The following PIK3R3 variants were observed in gnomAD, a reference collection of about 807,000 sequenced individuals.
PIK3R3 encodes phosphoinositide-3-kinase regulatory subunit 3.
PIK3R3 carries 64 observed loss-of-function variants against 62.9 expected under a neutral mutation model. That is an observed-to-expected ratio of 1.02 (90% CI 0.83 to 1.25). PIK3R3 has a LOEUF of 1.25. Among genes scored for constraint, PIK3R3 ranks in the 50% most tolerant of loss-of-function variants. PIK3R3 has a pLI of 0.00. For missense variants in PIK3R3, 614 were observed against 561.6 expected (o/e 1.09, Z -0.94); for synonymous variants, 165 against 189.0 (o/e 0.87, Z 1.04).
chr1:46,154,227 C>A, the PIK3R3 span, among the ~76,000 whole-genome samples: 168 of 152,162 alleles, frequency 1.1e-3, no homozygotes, highest in African/African-American at 3.5e-3. Flanking sequence ...GAGGCCTATG[C>A]AAAACTCATG....
At chr1:46,045,519 TCCTTCTGAAGTAAAAA>T (rs1481647217) in intron 9 of PIK3R3, among the ~76,000 whole-genome samples, 4 of 151,846 alleles carry the variant, frequency 2.6e-5, no homozygotes, top group African/African-American at 9.7e-5. Flanking sequence ...GATAGAGTTT[TCCTTCTGAAGTAAAAA>T]CAGTTCTATT....
At chr1:46,115,885 G>C (rs974256667) in intron 1 of PIK3R3, among the ~76,000 whole-genome samples, 1 of 152,186 alleles carries the variant, frequency 6.6e-6, no homozygotes, top group African/African-American at 2.4e-5. Flanking sequence ...ACGGGCAAAG[G>C]AGAGAGTTTA....
At chr1:46,146,223 G>A in the PIK3R3 span, among the ~76,000 whole-genome samples, 1 of 152,174 alleles carries the variant, frequency 6.6e-6, no homozygotes, top group African/African-American at 2.4e-5. Context: ...AAAGATCCCA[G>A]AGTAGTACCT....
intron 7 of PIK3R3, among the ~76,000 whole-genome samples, chr1:46,055,337 G>A (rs955268791): frequency 6.6e-6 from 1 of 152,034 alleles, no homozygotes; most frequent in Non-Finnish European, 1.5e-5. Flanking sequence ...CTCGAACTCC[G>A]GACCTCAGAT....
rs1433497267 is a variant in PIK3R3, at chr1:46,074,305, AAAAAAAAAAAAAC to A, written c.314+3197_314+3209del. Among the ~76,000 whole-genome samples the A allele has an allele frequency of 4.6e-4, 67 of 146,104 alleles. 1 individual carries two copies. The East Asian group carries it at 8.1e-3, about 18-fold the overall frequency. ...CTCCGTCAAAAAAAAAAAAAAAAAA[AAAAAAAAAAAAAC>A]CAATAAATTCAGCCTGACTCAACTT... On this transcript the variant is annotated intron_variant, in intron 3 of 9. Transcript: ENST00000262741.
At chr1:46,075,310 T>C (rs1490485516) in intron 3 of PIK3R3, among the ~76,000 whole-genome samples, 2 of 152,166 alleles carry the variant, frequency 1.3e-5, no homozygotes, top group African/African-American at 4.8e-5. Flanking sequence ...TTAAGGAAAC[T>C]CATCCTTAAA....
chr1:46,050,865 T>C (rs2149378972), intron 7 of PIK3R3, among the ~76,000 whole-genome samples: 1 of 152,316 alleles, frequency 6.6e-6, no homozygotes, highest in East Asian at 1.9e-4. Context: ...AGACTATTAT[T>C]TGGCCATAAA....
intron 1 of PIK3R3, among the ~76,000 whole-genome samples, chr1:46,097,885 A>T (rs1485704987): frequency 7.0e-6 from 1 of 142,920 alleles, no homozygotes; most frequent in Non-Finnish European, 1.5e-5. Flanking sequence ...GGGAAACTCC[A>T]TCTCAAAAAA....
chr1:46,137,165 C>T (rs1655961412), upstream of PIK3R3, among the ~76,000 whole-genome samples: 1 of 152,188 alleles, frequency 6.6e-6, no homozygotes, highest in African/African-American at 2.4e-5. Context: ...AGTTCATTGC[C>T]TTTCCCGCTG....
the PIK3R3 span, among the ~76,000 whole-genome samples, chr1:46,166,642 A>G: frequency 6.6e-6 from 1 of 152,138 alleles, no homozygotes; most frequent in Non-Finnish European, 1.5e-5. Context: ...GGTCCCCAGA[A>G]GCTTCAGGCT....
chr1:46,046,939 T>C lies in PIK3R3; in HGVS notation c.942-314A>G, dbSNP rs567798982. The stretch of plus-strand genomic sequence containing the variant: ...CATACTCGCACTCACAGTGGGACAT[T>C]TGTTTCTGAAAACATTAGGTTAGCA... On this transcript the variant is annotated intron_variant, in intron 7 of 9. Transcript: ENST00000262741. 7.2e-5 allele frequency: 28 copies of C among 390,144 alleles called. No homozygotes were observed. In the South Asian group the frequency reaches 1.2e-3, roughly 17 times the overall value. The allele number at this position is 390,144 out of a possible 1,614,324, so 24.2% of individuals were successfully genotyped here.
intron 1 of PIK3R3, among the ~76,000 whole-genome samples, chr1:46,101,670 T>C (rs1386629367): frequency 6.6e-6 from 1 of 152,172 alleles, no homozygotes; most frequent in Non-Finnish European, 1.5e-5. Flanking sequence ...TTATGCTAAA[T>C]GAAATAAGAA....
chr1:46,094,378 G>GA (rs1021797181), intron 1 of PIK3R3, among the ~76,000 whole-genome samples: 4 of 151,776 alleles, frequency 2.6e-5, no homozygotes, highest in Non-Finnish European at 5.9e-5. Flanking sequence ...TAATGCTTAG[G>GA]AAAAAAAGAC....
intron 1 of PIK3R3, among the ~76,000 whole-genome samples, chr1:46,090,344 ATTTT>A (rs1335512705): frequency 2.3e-3 from 251 of 106,988 alleles, no homozygotes; most frequent in African/African-American, 6.8e-3. Flanking sequence ...TTATTTATTT[ATTTT>A]TTTGAGACAG....
At chr1:46,045,511 TAG>T (rs1647085211) in intron 9 of PIK3R3, among the ~76,000 whole-genome samples, 1 of 151,860 alleles carries the variant, frequency 6.6e-6, no homozygotes, top group Admixed American at 6.6e-5. Context: ...AAATTTTAGA[TAG>T]AGTTTTCCTT....
intron 1 of PIK3R3, among the ~76,000 whole-genome samples, chr1:46,111,388 T>C (rs1257157029): frequency 2.0e-5 from 3 of 152,010 alleles, no homozygotes; most frequent in Admixed American, 2.0e-4. Flanking sequence ...GCCCCACCGC[T>C]GCCTTCTTAC....
chr1:46,093,167 A>C (rs1651801922), intron 1 of PIK3R3, among the ~76,000 whole-genome samples: 1 of 152,250 alleles, frequency 6.6e-6, no homozygotes, highest in Admixed American at 6.5e-5. Flanking sequence ...TTCTTGTGTT[A>C]GGAAAAAGTC....
At chr1:46,101,599 T>C (rs749984184) in intron 1 of PIK3R3, among the ~76,000 whole-genome samples, 10 of 152,216 alleles carry the variant, frequency 6.6e-5, no homozygotes, top group Non-Finnish European at 1.5e-4. Context: ...AATGCGGTAT[T>C]ATTCAGCCAT....
Position 46,043,408 on chromosome 1 carries a change from C to T in PIK3R3, c.*265G>A, listed in dbSNP as rs928229611. 2.1e-6 allele frequency: 1 copy of T among 474,940 alleles called. No individual in the cohort carries two copies. Among genetic ancestry groups the T allele is most frequent in the African/African-American group, 1.9e-5 (1 of 51,696 alleles). The allele number at this position is 474,940 out of a possible 1,614,324, so 29.4% of individuals were successfully genotyped here. A position where few individuals can be genotyped will look rare whatever the true frequency, so the allele number is the denominator to read the frequency against. The stretch of plus-strand genomic sequence containing the variant: ...GTTGAGGGTGTCTGGCTAAACAAAA[C>T]AAAAACCCCAATGAAACAGACTTTC... On this transcript the variant is annotated 3_prime_UTR_variant, in exon 10 of 10. Transcript: ENST00000262741.
Sources: allele counts gnomAD v4.1 joint callset (sites outside exome capture counted in the v4.1 genomes callset), GRCh38; gene constraint gnomAD v4.1.1; transcripts MANE v1.5; gene names NCBI Gene and HGNC (gene_info 2026-07-23, HGNC 2026-07-21).